The following DCAF10 variants were observed in gnomAD, a reference collection of about 807,000 sequenced individuals.
The protein encoded by DCAF10 is DDB1 and CUL4 associated factor 10.
In DCAF10, 19 loss-of-function variants were observed where a neutral mutation model predicts 51.9. That is an observed-to-expected ratio of 0.37 (90% CI 0.26 to 0.54). The LOEUF is 0.54. DCAF10 is among the 20% of genes least tolerant of loss of function. The pLI, the probability that DCAF10 is intolerant of heterozygous loss-of-function variation, is 0.87. For synonymous variants in DCAF10, 291 were observed against 297.1 expected, an observed-to-expected ratio of 0.98 and a Z score of 0.21; for missense variants, 510 against 730.6, an observed-to-expected ratio of 0.70 and a Z score of 3.48.
chr9:37,834,405 T>C (rs1479305941), intron 2 of DCAF10, among the ~76,000 whole-genome samples: 1 of 152,234 alleles, frequency 6.6e-6, no homozygotes, highest in Non-Finnish European at 1.5e-5. Flanking sequence ...TATATTTTTC[T>C]ATATTTTTGG....
In DCAF10 at chr9:37,862,260, G is replaced by A. The variant is rs1198985499; in HGVS notation, c.*752G>A. On this transcript the variant is annotated 3_prime_UTR_variant, in exon 7 of 7. Coordinates refer to ENST00000377724, the MANE Select transcript of DCAF10 (RefSeq NM_024345.5). The stretch of plus-strand genomic sequence containing the variant: ...AGCATGTATCCTTACTTGATATTTT[G>A]TTCCTATCAACAGCATTAGAAAGGA... 3 of 152,496 alleles carry A rather than the reference G, an allele frequency of 2.0e-5. No homozygotes were observed. Among genetic ancestry groups the A allele is most frequent in the East Asian group, 3.9e-4 (2 of 5,188 alleles). 9.4% of individuals were successfully genotyped at this position (152,496 alleles called of 1,614,324 possible).
chr9:37,833,114 G>A (rs1273211996), intron 2 of DCAF10, among the ~76,000 whole-genome samples: 1 of 152,048 alleles, frequency 6.6e-6, no homozygotes, highest in African/African-American at 2.4e-5. Context: ...AATCCACCTC[G>A]CTCAAAGTGT....
At chr9:37,855,399 C>T (rs1187379265) in intron 4 of DCAF10, among the ~76,000 whole-genome samples, 4 of 152,182 alleles carry the variant, frequency 2.6e-5, no homozygotes, top group Admixed American at 2.6e-4. Flanking sequence ...GTATCCTAGA[C>T]TTACAGATGT....
At chr9:37,823,414 AG>A (rs762006249) in intron 2 of DCAF10, among the ~76,000 whole-genome samples, 3 of 152,218 alleles carry the variant, frequency 2.0e-5, no homozygotes, top group Non-Finnish European at 4.4e-5. Flanking sequence ...TTACAGAAAC[AG>A]GTTTCTCATT....
intron 2 of DCAF10, among the ~76,000 whole-genome samples, chr9:37,828,123 A>G (rs957880118): frequency 6.6e-6 from 1 of 152,130 alleles, no homozygotes; most frequent in Non-Finnish European, 1.5e-5. Context: ...GCTGACCTCA[A>G]GCGATCCTCC....
intron 3 of DCAF10, among the ~76,000 whole-genome samples, chr9:37,847,885 A>T (rs975316903): frequency 6.6e-6 from 1 of 152,322 alleles, no homozygotes; most frequent in East Asian, 1.9e-4. Flanking sequence ...AAATAATTTA[A>T]TTCACAATAG....
chr9:37,846,483 C>T (rs1830476188), intron 3 of DCAF10, among the ~76,000 whole-genome samples: 1 of 152,094 alleles, frequency 6.6e-6, no homozygotes, highest in African/African-American at 2.4e-5. Flanking sequence ...TATAGACCTA[C>T]AGCAAGTAAA....
intron 2 of DCAF10, among the ~76,000 whole-genome samples, chr9:37,839,114 G>A (rs1589102307): frequency 6.6e-6 from 1 of 151,660 alleles, no homozygotes; most frequent in East Asian, 1.9e-4. Context: ...GAGTGCAGTG[G>A]CACGATCTCA....
intron 1 of DCAF10, among the ~76,000 whole-genome samples, chr9:37,808,674 AT>A (rs1207762325): frequency 4.9e-5 from 1 of 20,232 alleles, no homozygotes; most frequent in Non-Finnish European, 1.0e-4. Context: ...ATATTATATA[AT>A]ATAAAATATA....
rs761848631 is a variant in DCAF10 at position 37,801,095 on chromosome 9, C to T, written c.229C>T (p.Pro77Ser). 7.8e-6 allele frequency: 12 copies of T among 1,535,224 alleles called. No individual in the cohort carries two copies. In the East Asian group the frequency reaches 1.8e-4, roughly 23 times the overall value. Residue 77 changes from proline to serine, a missense_variant, in exon 1 of 7, where the codon CCG (proline) becomes TCG (serine). This residue lies in a region of DCAF10 where 251 missense variants were observed against 227.9 expected (regional missense o/e 1.10). Coordinates refer to ENST00000377724, the MANE Select transcript of DCAF10 (RefSeq NM_024345.5). This position sits in a 1 kb window ranked among gnomAD's most constrained non-coding sequence, Gnocchi z 5.5. ...RSGELGLPGAPESSTASAPGE... is the reference protein window; with the variant it reads ...RSGELGLPGASESSTASAPGE... ...CGGAGAGCTAGGGCTGCCTGGAGCT[C>T]CGGAGTCCTCAACTGCCTCCGCCCC...
chr9:37,853,615 T>C (rs2118146248), intron 3 of DCAF10, among the ~76,000 whole-genome samples: 1 of 152,238 alleles, frequency 6.6e-6, no homozygotes, highest in South Asian at 2.1e-4. Context: ...ATTTTCATTA[T>C]ATTTTCTCAT....
chr9:37,825,491 A>G (rs1472596095), intron 2 of DCAF10, among the ~76,000 whole-genome samples: 1 of 152,230 alleles, frequency 6.6e-6, no homozygotes, highest in East Asian at 1.9e-4. Context: ...CAAATACTGC[A>G]TGTTCTCACT....
chr9:37,822,606 C>T (rs1003380083), intron 2 of DCAF10, among the ~76,000 whole-genome samples: 16 of 151,930 alleles, frequency 1.1e-4, no homozygotes, highest in African/African-American at 3.4e-4. Context: ...GACATAAAGG[C>T]ATAAGAATGA....
chr9:37,830,541 A>G (rs1829976481), intron 2 of DCAF10, among the ~76,000 whole-genome samples: 1 of 152,216 alleles, frequency 6.6e-6, no homozygotes, highest in Non-Finnish European at 1.5e-5. Context: ...GGGGAGGAAG[A>G]GAAGGGAAGG....
intron 2 of DCAF10, among the ~76,000 whole-genome samples, chr9:37,831,909 C>G (rs563418620): frequency 1.3e-5 from 2 of 151,986 alleles, no homozygotes; most frequent in African/African-American, 4.8e-5. Context: ...GATTGTGCCA[C>G]TGCACTCCAG....
chr9:37,815,313 C>T (rs1829491423), intron 1 of DCAF10, among the ~76,000 whole-genome samples: 2 of 152,128 alleles, frequency 1.3e-5, no homozygotes, highest in Non-Finnish European at 2.9e-5. Flanking sequence ...AAGTCCTAGT[C>T]AGTATAACAA....
chr9:37,845,564 T>A (rs950400379), intron 3 of DCAF10, among the ~76,000 whole-genome samples: 8 of 152,240 alleles, frequency 5.3e-5, no homozygotes, highest in African/African-American at 1.9e-4. Flanking sequence ...TTAGCCAATA[T>A]GTACTGGTTC....
At chr9:37,816,662 GTGT>G (rs1829548488) in intron 1 of DCAF10, among the ~76,000 whole-genome samples, 4 of 145,276 alleles carry the variant, frequency 2.8e-5, no homozygotes, top group Non-Finnish European at 6.1e-5. Context: ...CACCTGGGGT[GTGT>G]GTGTGTGTGT....
At chr9:37,832,008 C>G (rs547715657) in intron 2 of DCAF10, 1 of 151,808 alleles carries the variant, frequency 6.6e-6, no homozygotes, top group African/African-American at 2.4e-5. Flanking sequence ...GGGAGAAGCC[C>G]GGAGGTCATC....
Sources: allele counts gnomAD v4.1 joint callset (sites outside exome capture counted in the v4.1 genomes callset), GRCh38; gene constraint gnomAD v4.1.1; regional missense constraint gnomAD v4.1.1; non-coding constraint Gnocchi (gnomAD v3.1); transcripts MANE v1.5; gene names NCBI Gene and HGNC (gene_info 2026-07-23, HGNC 2026-07-21).